The following NEGR1 variants were observed in gnomAD, a reference collection of about 807,000 sequenced individuals.
The protein encoded by NEGR1 is IgLON family member 4.
A neutral mutation model predicts 40.9 loss-of-function variants in NEGR1; 10 were observed. The ratio of observed to expected loss-of-function variants is 0.24; its 90% CI spans 0.15 to 0.42. The LOEUF is 0.42. Among genes scored for constraint, NEGR1 ranks in the 10% least tolerant of loss-of-function variants. The probability of loss-of-function intolerance (pLI) is 1.00; values close to 1 mark genes in which losing one functional copy is unlikely to be tolerated. For synonymous variants in NEGR1, 185 were observed against 166.8 expected (o/e 1.11, Z -0.84); for missense variants, 352 against 438.9 (o/e 0.80, Z 1.77).
chr1:71,967,497 T>C (rs1217180125), intron 1 of NEGR1, among the ~76,000 whole-genome samples: 1 of 152,202 alleles, frequency 6.6e-6, no homozygotes, highest in Non-Finnish European at 1.5e-5. Flanking sequence ...ATTTTTGGAA[T>C]CTATTTAAAA....
chr1:71,417,289 A>T (rs896906489), intron 6 of NEGR1, among the ~76,000 whole-genome samples: 2 of 152,158 alleles, frequency 1.3e-5, no homozygotes, highest in Non-Finnish European at 2.9e-5. Flanking sequence ...TGGTACCATC[A>T]AACTATTTAT....
At chr1:71,634,263 G>T (rs1168542344) in intron 4 of NEGR1, among the ~76,000 whole-genome samples, 2 of 152,030 alleles carry the variant, frequency 1.3e-5, no homozygotes, top group African/African-American at 4.8e-5. Flanking sequence ...GCCTGAGCAA[G>T]CAGATGAGCC....
At chr1:72,028,623 T>C (rs929695429) in intron 1 of NEGR1, among the ~76,000 whole-genome samples, 3 of 152,236 alleles carry the variant, frequency 2.0e-5, no homozygotes, top group African/African-American at 7.2e-5. Context: ...TCACTGTCCT[T>C]GTACACACTG....
In NEGR1 at chr1:71,397,959, C is replaced by T. The variant is rs1348332345; in HGVS notation, c.*9487G>A. 1 of 152,274 alleles carries T rather than the reference C, an allele frequency of 6.6e-6. No individual in the cohort carries two copies. Among genetic ancestry groups the T allele is most frequent in the African/African-American group, 2.4e-5 (1 of 41,440 alleles). The allele number at this position is 152,274 out of a possible 1,614,324, so 9.4% of individuals were successfully genotyped here. Reference sequence around the variant, plus strand: ...TGCTCCCAGGATGATTTAAATGAAGCCAAGGTACAGCTTGGGCTGTTGCTT... The same window carrying T: ...TGCTCCCAGGATGATTTAAATGAAGTCAAGGTACAGCTTGGGCTGTTGCTT... On this transcript the variant is annotated 3_prime_UTR_variant, in exon 7 of 7. Coordinates refer to ENST00000357731, the MANE Select transcript of NEGR1 (RefSeq NM_173808.3).
chr1:71,837,284 C>T (rs1182219590), intron 2 of NEGR1, among the ~76,000 whole-genome samples: 1 of 152,050 alleles, frequency 6.6e-6, no homozygotes, highest in Non-Finnish European at 1.5e-5. Context: ...CTTATATCAT[C>T]CTCGTTCCTA....
intron 2 of NEGR1, among the ~76,000 whole-genome samples, chr1:71,840,395 A>G (rs1659196329): frequency 6.6e-6 from 1 of 152,166 alleles, no homozygotes; most frequent in Admixed American, 6.6e-5. Context: ...AAAAAAAGAT[A>G]TATCTAATAA....
chr1:71,491,165 T>C (rs1290292964), intron 6 of NEGR1, among the ~76,000 whole-genome samples: 2 of 152,122 alleles, frequency 1.3e-5, no homozygotes, highest in Admixed American at 6.6e-5. Context: ...ATTGTCATTA[T>C]TCCCTAAACA....
intron 1 of NEGR1, among the ~76,000 whole-genome samples, 173 bp downstream of exon 1, chr1:72,282,146 A>C (rs1020531529): frequency 2.6e-5 from 4 of 152,190 alleles, no homozygotes; most frequent in Non-Finnish European, 2.9e-5. Flanking sequence ...CTGCCCCAGC[A>C]TAAACGGGCC....
rs1003951778 is a variant in NEGR1 at position 71,401,254 on chromosome 1, A to T, written c.*6192T>A. 1 of 152,180 alleles carries T rather than the reference A, an allele frequency of 6.6e-6. No homozygotes were observed. Among genetic ancestry groups the T allele is most frequent in the Non-Finnish European group, 1.5e-5 (1 of 68,028 alleles). 9.4% of individuals were successfully genotyped at this position (152,180 alleles called of 1,614,324 possible). A position where few individuals can be genotyped will look rare whatever the true frequency, so the allele number is the denominator to read the frequency against. On this transcript the variant is annotated 3_prime_UTR_variant, in exon 7 of 7. Coordinates refer to ENST00000357731, the MANE Select transcript of NEGR1 (RefSeq NM_173808.3). ...TGGAAATAAATTCTGAGGGGTAAAG[A>T]TTCAATTGAATTCTCCTCCTCACTC...
intron 1 of NEGR1, among the ~76,000 whole-genome samples, chr1:72,198,578 G>A (rs1375144632): frequency 6.6e-6 from 1 of 151,962 alleles, no homozygotes; most frequent in Non-Finnish European, 1.5e-5. Flanking sequence ...CCTGATACAA[G>A]GAGAATGCTG....
chr1:71,766,698 A>T (rs765600870), intron 3 of NEGR1, among the ~76,000 whole-genome samples: 4 of 152,192 alleles, frequency 2.6e-5, no homozygotes, highest in Non-Finnish European at 5.9e-5. Context: ...TTTGATCTGC[A>T]TCCCCACTCA....
chr1:72,007,942 G>A (rs893502744), intron 1 of NEGR1, among the ~76,000 whole-genome samples: 3 of 151,900 alleles, frequency 2.0e-5, no homozygotes, highest in East Asian at 1.9e-4. Flanking sequence ...AAAAAGGAGC[G>A]GCTAAGTTTT....
intron 1 of NEGR1, among the ~76,000 whole-genome samples, chr1:72,042,015 G>T (rs1002679631): frequency 2.1e-5 from 3 of 144,170 alleles, no homozygotes; most frequent in African/African-American, 7.6e-5. Context: ...ATATACATTT[G>T]ATTAAATACA....
intron 1 of NEGR1, among the ~76,000 whole-genome samples, chr1:72,052,608 C>A (rs1264467584): frequency 6.6e-6 from 1 of 151,452 alleles, no homozygotes; most frequent in Non-Finnish European, 1.5e-5. Context: ...AATTTAAATT[C>A]ATATTCAAGC....
At chr1:71,476,582 G>C (rs528794080) in intron 6 of NEGR1, among the ~76,000 whole-genome samples, 4 of 152,120 alleles carry the variant, frequency 2.6e-5, no homozygotes, top group East Asian at 3.9e-4. Context: ...CAAGTCACAG[G>C]GTATCAGCTG....
intron 1 of NEGR1, among the ~76,000 whole-genome samples, chr1:72,206,702 C>G (rs553644621): frequency 6.6e-6 from 1 of 152,160 alleles, no homozygotes; most frequent in South Asian, 2.1e-4. Flanking sequence ...CCTCAAGTTG[C>G]ATTTCATTTT....
intron 2 of NEGR1, among the ~76,000 whole-genome samples, chr1:71,785,499 C>A (rs1656879506): frequency 6.6e-6 from 1 of 151,754 alleles, no homozygotes. Flanking sequence ...AAAAAAATTT[C>A]TATTCCATTG....
intron 1 of NEGR1, among the ~76,000 whole-genome samples, chr1:72,220,804 C>T (rs561144934): frequency 6.6e-6 from 1 of 151,710 alleles, no homozygotes; most frequent in Non-Finnish European, 1.5e-5. Context: ...TGAAAGAACA[C>T]ACTAAAACTA....
At chr1:72,211,347 T>G (rs1653600499) in intron 1 of NEGR1, among the ~76,000 whole-genome samples, 1 of 151,678 alleles carries the variant, frequency 6.6e-6, no homozygotes, top group African/African-American at 2.4e-5. Flanking sequence ...TATAAAGGCT[T>G]TTTTCTAAGA....
Sources: allele counts gnomAD v4.1 joint callset (sites outside exome capture counted in the v4.1 genomes callset), GRCh38; gene constraint gnomAD v4.1.1; transcripts MANE v1.5; gene names NCBI Gene and HGNC (gene_info 2026-07-23, HGNC 2026-07-21).